MAP3K21: variants seen among roughly 807,000 people sequenced by gnomAD.
MAP3K21 encodes the protein mitogen-activated protein kinase kinase kinase 21, also known as mitogen-activated protein kinase kinase kinase MLK4.
A neutral mutation model predicts 86.1 loss-of-function variants in MAP3K21; 63 were observed. The observed-to-expected ratio is 0.73, with a 90% CI of 0.60 to 0.90. MAP3K21 has a LOEUF of 0.90. Among genes scored for constraint, MAP3K21 ranks in the 40% least tolerant of loss-of-function variants. The pLI is 0.00. For missense variants in MAP3K21, 1,220 were observed against 1,367.7 expected (o/e 0.89, Z 1.70); for synonymous variants, 558 against 564.8 (o/e 0.99, Z 0.17).
At chr1:233,340,570 G>C (rs917127914) in intron 1 of MAP3K21, among the ~76,000 whole-genome samples, 1 of 151,880 alleles carries the variant, frequency 6.6e-6, no homozygotes, top group Non-Finnish European at 1.5e-5. Context: ...AGTGAGTGGG[G>C]TATGTGTCCG....
intron 1 of MAP3K21, among the ~76,000 whole-genome samples, chr1:233,341,035 A>G (rs1224106484): frequency 6.6e-6 from 1 of 152,222 alleles, no homozygotes; most frequent in Admixed American, 6.5e-5. Flanking sequence ...TCATGGTTGA[A>G]TAAGTAGGCT....
At chr1:233,347,442 CTG>C (rs1391516276) in intron 2 of MAP3K21, among the ~76,000 whole-genome samples, 19 of 152,250 alleles carry the variant, frequency 1.2e-4, no homozygotes, top group African/African-American at 4.3e-4. Context: ...AAAAATCACA[CTG>C]TTTAATAGTT....
rs1663973029 is a variant in MAP3K21, at chr1:233,384,577, T to C, written c.*1866T>C. 6.6e-6 allele frequency: 1 copy of C among 152,030 alleles called. No individual in the cohort carries two copies. The highest frequency in any genetic ancestry group is 2.1e-4 in the South Asian group (1 of 4,832). 9.4% of individuals were successfully genotyped at this position (152,030 alleles called of 1,614,324 possible). On this transcript the variant is annotated 3_prime_UTR_variant, in exon 10 of 10. Transcript: ENST00000366624. ...CTTCCAGCTTAAGGGTAGAGAAATA[T>C]ATACCTAAAATCATCAATACATGAA...
At chr1:233,339,574 G>A (rs1321919463) in intron 1 of MAP3K21, among the ~76,000 whole-genome samples, 1 of 151,052 alleles carries the variant, frequency 6.6e-6, no homozygotes, top group Admixed American at 6.6e-5. Flanking sequence ...TTAACCTCCT[G>A]GGCTCAAGTC....
At chr1:233,374,351 T>C (rs1345986617) in intron 6 of MAP3K21, among the ~76,000 whole-genome samples, 3 of 152,090 alleles carry the variant, frequency 2.0e-5, no homozygotes, top group Admixed American at 6.5e-5. Context: ...AATTTTTGTA[T>C]TTTTAGTAAA....
intron 1 of MAP3K21, among the ~76,000 whole-genome samples, chr1:233,340,310 G>A (rs1663016443): frequency 1.3e-5 from 2 of 152,182 alleles, no homozygotes; most frequent in Admixed American, 1.3e-4. Flanking sequence ...TGATTGAGTG[G>A]GAGGTCCAGT....
intron 1 of MAP3K21, among the ~76,000 whole-genome samples, chr1:233,346,063 T>A (rs1334305277): frequency 6.6e-6 from 1 of 152,224 alleles, no homozygotes; most frequent in Non-Finnish European, 1.5e-5. Context: ...ATTTCAATAT[T>A]CTCCACTTCA....
rs1327762337 is a variant in MAP3K21 at position 233,339,268 on chromosome 1, C to CTCTTCT, written c.806-7156_806-7151dup. ...CTTCTTCTTCTTCTTCTTCTTCTTC[C>CTCTTCT]TCTTCTTCTTCTTCTTCTTCTTCCT... On this transcript the variant is annotated intron_variant, in intron 1 of 9. Coordinates refer to ENST00000366624, the MANE Select transcript of MAP3K21 (RefSeq NM_032435.3). Among the ~76,000 whole-genome samples, 3 of 19,856 alleles carry CTCTTCT rather than the reference C, an allele frequency of 1.5e-4. 1 individual carries two copies. Among genetic ancestry groups the CTCTTCT allele is most frequent in the African/African-American group, 5.1e-4 (3 of 5,842 alleles). The allele number at this position is 19,856 out of a possible 152,430, so 13.0% of individuals were successfully genotyped here.
In MAP3K21 at chr1:233,328,011, C is replaced by T; in HGVS notation, c.-18C>T. ...TGAGCCCAGCTTCCCGCTCCGCCTT[C>T]CCCGCGCAGCTGCCCCCATGGCTTT... On this transcript the variant is annotated 5_prime_UTR_variant, in exon 1 of 10. Transcript: ENST00000366624. The surrounding 1 kb of genome is among the most constrained non-coding windows in gnomAD (Gnocchi z 8.7). 1 of 1,254,244 alleles carries T rather than the reference C, an allele frequency of 8.0e-7. No individual in the cohort carries two copies. Among genetic ancestry groups the T allele is most frequent in the Non-Finnish European group, 1.0e-6 (1 of 1,001,118 alleles). 77.7% of individuals were successfully genotyped at this position (1,254,244 alleles called of 1,614,324 possible).
rs1208114726 is a variant in MAP3K21 at position 233,355,017 on chromosome 1, A to C, written c.1311+6A>C. On this transcript the variant is annotated splice_donor_region_variant and intron_variant, in intron 4 of 9. Coordinates refer to ENST00000366624, the MANE Select transcript of MAP3K21 (RefSeq NM_032435.3). ...AGTTGAGAACAAAGGAAAAGGTGAGAGAAATTTTTAAACAGCATAATGTAC... is the reference window on the plus strand; with the variant it reads ...AGTTGAGAACAAAGGAAAAGGTGAGCGAAATTTTTAAACAGCATAATGTAC... 6.2e-7 allele frequency: 1 copy of C among 1,602,734 alleles called. No homozygotes were observed. Among genetic ancestry groups the C allele is most frequent in the Non-Finnish European group, 8.5e-7 (1 of 1,171,596 alleles).
intron 1 of MAP3K21, among the ~76,000 whole-genome samples, chr1:233,343,085 G>C (rs946082717): frequency 6.6e-6 from 1 of 152,100 alleles, no homozygotes; most frequent in African/African-American, 2.4e-5. Context: ...TTTAAACCTA[G>C]TGTTGGTTTC....
At position 233,328,578 on chromosome 1, in the gene MAP3K21, A is replaced by G; in HGVS notation, c.550A>G (p.Ile184Val). 1 of 1,527,002 alleles carries G rather than the reference A, an allele frequency of 6.5e-7. No homozygotes were observed. Among genetic ancestry groups the G allele is most frequent in the Non-Finnish European group, 8.7e-7 (1 of 1,147,692 alleles). 94.6% of individuals were successfully genotyped at this position (1,527,002 alleles called of 1,614,324 possible). A position where few individuals can be genotyped will look rare whatever the true frequency, so the allele number is the denominator to read the frequency against. The change falls in exon 1 of 10, where the codon ATC becomes GTC. Residue 184 changes from isoleucine to valine, a missense_variant. Coordinates refer to ENST00000366624, the MANE Select transcript of MAP3K21 (RefSeq NM_032435.3). This position sits in a 1 kb window ranked among gnomAD's most constrained non-coding sequence, Gnocchi z 8.7. ...CGCCATGCTGCGGCACCCCAACATC[A>G]TCGAGCTGCGCGGCGTGTGCCTGCA... ...LFAMLRHPNIIELRGVCLQQP... is the reference protein window; with the variant it reads ...LFAMLRHPNIVELRGVCLQQP...
chr1:233,347,955 G>A (rs995729480), intron 2 of MAP3K21, among the ~76,000 whole-genome samples: 4 of 119,922 alleles, frequency 3.3e-5, no homozygotes, highest in African/African-American at 1.3e-4. Flanking sequence ...AATCATTAAA[G>A]TTCCATTTTT....
At chr1:233,375,816 G>A (rs1663784817) in intron 6 of MAP3K21, 100 bp from the exon 7 acceptor site, 1 of 828,364 alleles carries the variant, frequency 1.2e-6, no homozygotes, top group Non-Finnish European at 1.9e-6. Context: ...TTTGAGTAAG[G>A]TAGTTTCACA....
At chr1:233,357,037 G>A (rs1057327565) in intron 4 of MAP3K21, among the ~76,000 whole-genome samples, 5 of 152,214 alleles carry the variant, frequency 3.3e-5, no homozygotes, top group South Asian at 2.1e-4. Context: ...TTGGGAGGTC[G>A]GGGCAGGTGG....
At chr1:233,339,845 G>T (rs543523741) in intron 1 of MAP3K21, among the ~76,000 whole-genome samples, 16 of 123,182 alleles carry the variant, frequency 1.3e-4, no homozygotes, top group Admixed American at 5.9e-4. Context: ...GAGGTGAATC[G>T]ATTTTCTGTA....
intron 4 of MAP3K21, among the ~76,000 whole-genome samples, chr1:233,359,114 T>C (rs1161269553): frequency 6.6e-6 from 1 of 152,138 alleles, no homozygotes; most frequent in Non-Finnish European, 1.5e-5. Flanking sequence ...GGCCCGGCCT[T>C]ATTTTAACGT....
chr1:233,354,700 G>A, intron 3 of MAP3K21, 136 bp from the exon 4 acceptor site: 4 of 706,802 alleles, frequency 5.7e-6, no homozygotes, highest in Non-Finnish European at 9.8e-6. Flanking sequence ...AAATCTTCAG[G>A]AGCAGATACT....
intron 1 of MAP3K21, among the ~76,000 whole-genome samples, chr1:233,337,860 C>T (rs768463902): frequency 2.0e-4 from 30 of 152,170 alleles, no homozygotes; most frequent in African/African-American, 6.3e-4. Context: ...CATTCCATTT[C>T]GGGAAGTATC....
Sources: gnomAD v4.1 joint callset for allele counts (sites outside exome capture counted in the v4.1 genomes callset) on GRCh38, gnomAD v4.1.1 for gene constraint, Gnocchi (gnomAD v3.1) non-coding constraint, MANE v1.5 for transcripts, NCBI Gene and HGNC (gene_info 2026-07-23, HGNC 2026-07-21) for gene names.